The following AUTS2 variants were observed in gnomAD, a reference collection of about 807,000 sequenced individuals.
The protein encoded by AUTS2 is activator of transcription and developmental regulator AUTS2, also known as autism susceptibility gene 2 protein.
AUTS2 carries 17 observed loss-of-function variants against 112.4 expected under a neutral mutation model. The ratio of observed to expected loss-of-function variants is 0.15; its 90% confidence interval spans 0.10 to 0.23. The LOEUF is 0.23. AUTS2 is among the 10% of genes least tolerant of loss of function. AUTS2 has a pLI of 1.00. For synonymous variants in AUTS2, 751 were observed against 702.7 expected (o/e 1.07, Z -1.09); for missense variants, 1,510 against 1,701.6 (o/e 0.89, Z 1.98).
intron 2 of AUTS2, among the ~76,000 whole-genome samples, chr7:70,106,434 A>G (rs979479720): frequency 2.0e-5 from 3 of 152,142 alleles, no homozygotes; most frequent in Non-Finnish European, 4.4e-5. Context: ...TAAAAGAAGA[A>G]TCAGGCCAGG....
intron 4 of AUTS2, among the ~76,000 whole-genome samples, chr7:70,399,992 T>C (rs1311368415): frequency 6.6e-6 from 1 of 152,172 alleles, no homozygotes; most frequent in Non-Finnish European, 1.5e-5. Context: ...TTCATTCCTA[T>C]AAACAGTATT....
intron 1 of AUTS2, among the ~76,000 whole-genome samples, chr7:69,689,729 G>T (rs1797241669): frequency 6.6e-6 from 1 of 150,950 alleles, no homozygotes; most frequent in African/African-American, 2.4e-5. Flanking sequence ...CCAGGCTGGA[G>T]TGTAGTGGCA....
chr7:70,712,199 T>A (rs1056096972), intron 6 of AUTS2, among the ~76,000 whole-genome samples: 1 of 114,576 alleles, frequency 8.7e-6, no homozygotes, highest in African/African-American at 3.8e-5. Flanking sequence ...CTCACTTTTT[T>A]TTTTTTTTTT....
chr7:69,971,577 C>T (rs980704289), intron 2 of AUTS2, among the ~76,000 whole-genome samples: 2 of 152,160 alleles, frequency 1.3e-5, no homozygotes, highest in Non-Finnish European at 2.9e-5. Flanking sequence ...AAGTCTCTCT[C>T]CTGATGGCCT....
At chr7:69,985,819 G>A (rs1798489429) in intron 2 of AUTS2, among the ~76,000 whole-genome samples, 1 of 151,496 alleles carries the variant, frequency 6.6e-6, no homozygotes, top group Admixed American at 6.6e-5. Context: ...GTACAATGAA[G>A]AATATGATTC....
chr7:69,868,151 T>C (rs1454671131), intron 1 of AUTS2, among the ~76,000 whole-genome samples: 2 of 152,176 alleles, frequency 1.3e-5, no homozygotes, highest in Admixed American at 1.3e-4. Flanking sequence ...GGACAAATTA[T>C]GAAACAGTTT....
chr7:69,666,295 G>T (rs1353252386), intron 1 of AUTS2, among the ~76,000 whole-genome samples: 1 of 152,134 alleles, frequency 6.6e-6, no homozygotes, highest in Non-Finnish European at 1.5e-5. Context: ...TTTAGTGAAT[G>T]AATGAATACT....
At chr7:70,181,762 T>C (rs900884714) in intron 4 of AUTS2, among the ~76,000 whole-genome samples, 10 of 151,322 alleles carry the variant, frequency 6.6e-5, no homozygotes, top group African/African-American at 2.4e-4. Context: ...GTGCTGGGAT[T>C]ACAGGCGTGA....
At chr7:70,127,776 T>C (rs955223246) in intron 3 of AUTS2, among the ~76,000 whole-genome samples, 1 of 152,204 alleles carries the variant, frequency 6.6e-6, no homozygotes, top group African/African-American at 2.4e-5. Context: ...TATTTACAGT[T>C]GAGACATTTT....
chr7:70,466,935 A>G (rs1797189999), intron 5 of AUTS2, among the ~76,000 whole-genome samples: 2 of 152,180 alleles, frequency 1.3e-5, no homozygotes, highest in Non-Finnish European at 2.9e-5. Flanking sequence ...GTGAGAGAGG[A>G]TGGTGACTCA....
intron 11 of AUTS2, 79 bp from the exon 12 acceptor site, chr7:70,773,949 T>C (rs1790525175): frequency 7.4e-7 from 1 of 1,351,212 alleles, no homozygotes; most frequent in Admixed American, 1.8e-5. Context: ...CTTCTCTCAT[T>C]TAGCAGAAGG....
intron 4 of AUTS2, among the ~76,000 whole-genome samples, chr7:70,284,485 TCTCCCAC>T (rs1788367240): frequency 6.6e-6 from 1 of 152,058 alleles, no homozygotes. Flanking sequence ...ATATCAGCCA[TCTCCCAC>T]CCCACCCCAT....
intron 6 of AUTS2, among the ~76,000 whole-genome samples, chr7:70,740,695 A>G (rs1788050515): frequency 6.6e-6 from 1 of 152,138 alleles, no homozygotes; most frequent in African/African-American, 2.4e-5. Context: ...ATATACATTT[A>G]TATTTATATA....
At chr7:70,018,964 A>G (rs1800153137) in intron 2 of AUTS2, among the ~76,000 whole-genome samples, 1 of 152,208 alleles carries the variant, frequency 6.6e-6, no homozygotes. Context: ...ATGTCTGTGT[A>G]TGTTCATTGC....
intron 5 of AUTS2, among the ~76,000 whole-genome samples, chr7:70,547,081 A>G (rs916428250): frequency 6.6e-6 from 1 of 152,208 alleles, no homozygotes; most frequent in African/African-American, 2.4e-5. Flanking sequence ...AGCGTTGTGT[A>G]ACTATTGCCA....
chr7:70,186,137 GT>G (rs1261571388), intron 4 of AUTS2, among the ~76,000 whole-genome samples: 1 of 152,082 alleles, frequency 6.6e-6, no homozygotes, highest in African/African-American at 2.4e-5. Flanking sequence ...TGTTATTCAT[GT>G]AGCTATATAT....
chr7:70,410,851 G>GTTA (rs138979707), intron 4 of AUTS2, among the ~76,000 whole-genome samples: 8,359 of 148,170 alleles, frequency 0.056, 317 homozygotes, highest in Middle Eastern at 0.13. Context: ...TATTATTATT[G>GTTA]TTATTATTAT....
At chr7:69,988,236 C>G (rs1798593486) in intron 2 of AUTS2, among the ~76,000 whole-genome samples, 1 of 152,186 alleles carries the variant, frequency 6.6e-6, no homozygotes, top group African/African-American at 2.4e-5. Context: ...CCATGAGACA[C>G]TTAGAATGTC....
chr7:69,974,884 A>G (rs1797993213), intron 2 of AUTS2, among the ~76,000 whole-genome samples: 1 of 152,070 alleles, frequency 6.6e-6, no homozygotes, highest in Non-Finnish European at 1.5e-5. Context: ...AGAGTTTCTT[A>G]TGGATAGCAT....
Sources: gnomAD v4.1 joint callset for allele counts (sites outside exome capture counted in the v4.1 genomes callset) on GRCh38, gnomAD v4.1.1 for gene constraint, MANE v1.5 for transcripts, NCBI Gene and HGNC (gene_info 2026-07-23, HGNC 2026-07-21) for gene names.